The following FBXL17 variants were observed in gnomAD, a reference collection of about 807,000 sequenced individuals.
FBXL17 encodes F-box/LRR-repeat protein 17.
FBXL17 carries 22 observed loss-of-function variants against 66.2 expected under a neutral mutation model. That is an observed-to-expected ratio of 0.33 (90% CI 0.24 to 0.47). The LOEUF (loss-of-function observed/expected upper bound fraction) is 0.47. Ranked by LOEUF, FBXL17 falls within the 20% of genes least tolerant of loss-of-function variation. The pLI is 1.00. For missense variants in FBXL17, 878 were observed against 948.2 expected (o/e 0.93, Z 0.97); for synonymous variants, 474 against 400.5 (o/e 1.18, Z -2.19).
intron 7 of FBXL17, among the ~76,000 whole-genome samples, chr5:107,899,647 G>T (rs932586363): frequency 2.0e-5 from 3 of 152,102 alleles, no homozygotes; most frequent in African/African-American, 7.2e-5. Flanking sequence ...TGGGAAGTTG[G>T]TGCCCCTACA....
intron 5 of FBXL17, among the ~76,000 whole-genome samples, chr5:108,219,586 C>T (rs763723888): frequency 5.9e-5 from 9 of 151,984 alleles, no homozygotes; most frequent in Non-Finnish European, 8.8e-5. Flanking sequence ...ATTTGGGAGG[C>T]TGAGGCAGGA....
chr5:108,363,381 T>A (rs1748466096), intron 3 of FBXL17, among the ~76,000 whole-genome samples: 1 of 151,834 alleles, frequency 6.6e-6, no homozygotes, highest in Admixed American at 6.6e-5. Flanking sequence ...TACAGAAAAA[T>A]ATTCTCTACA....
chr5:108,031,065 C>T (rs147278399), intron 6 of FBXL17, among the ~76,000 whole-genome samples: 183 of 152,046 alleles, frequency 1.2e-3, no homozygotes, highest in African/African-American at 4.0e-3. Flanking sequence ...AATGACATAT[C>T]GCACTCTGAA....
chr5:107,990,470 A>G (rs1368169821), intron 7 of FBXL17, among the ~76,000 whole-genome samples: 1 of 152,166 alleles, frequency 6.6e-6, no homozygotes, highest in Non-Finnish European at 1.5e-5. Flanking sequence ...GTCTCTGTCA[A>G]TTTGAATTCT....
chr5:108,078,222 G>T (rs1432662931), intron 6 of FBXL17, among the ~76,000 whole-genome samples: 2 of 152,182 alleles, frequency 1.3e-5, no homozygotes, highest in Non-Finnish European at 2.9e-5. Flanking sequence ...ATGCTCAGGA[G>T]TAAGAGACTG....
At chr5:108,351,045 A>C (rs1456162339) in intron 3 of FBXL17, among the ~76,000 whole-genome samples, 1 of 152,214 alleles carries the variant, frequency 6.6e-6, no homozygotes, top group Non-Finnish European at 1.5e-5. Flanking sequence ...AAATGTAATT[A>C]AGTATTCACA....
At chr5:108,223,923 C>T (rs547608430) in intron 5 of FBXL17, among the ~76,000 whole-genome samples, 198 bp downstream of exon 5, 2 of 152,174 alleles carry the variant, frequency 1.3e-5, no homozygotes, top group East Asian at 1.9e-4. Context: ...AAGCAAAAAG[C>T]TTCTTGTTTA....
chr5:108,180,704 C>T (rs1232634357), intron 6 of FBXL17, among the ~76,000 whole-genome samples: 1 of 152,056 alleles, frequency 6.6e-6, no homozygotes, highest in Non-Finnish European at 1.5e-5. Context: ...ATTCACACAG[C>T]AAATCATGGC....
At chr5:108,299,260 A>T (rs1758478743) in intron 4 of FBXL17, 1 of 985,062 alleles carries the variant, frequency 1.0e-6, no homozygotes, top group African/African-American at 1.7e-5. Context: ...TTAAAGCGTT[A>T]GGGCAGATCC....
chr5:108,192,788 G>C (rs1753520738), intron 5 of FBXL17, among the ~76,000 whole-genome samples: 1 of 152,032 alleles, frequency 6.6e-6, no homozygotes. Flanking sequence ...CGAGATGAAA[G>C]CAAGAAAAGA....
At chr5:108,071,207 T>C (rs975895455) in intron 6 of FBXL17, among the ~76,000 whole-genome samples, 4 of 152,222 alleles carry the variant, frequency 2.6e-5, no homozygotes, top group Admixed American at 2.6e-4. Flanking sequence ...CTTGGCTTGG[T>C]TGCCAAAATG....
At chr5:108,229,043 A>G (rs1755214734) in intron 4 of FBXL17, among the ~76,000 whole-genome samples, 1 of 152,140 alleles carries the variant, frequency 6.6e-6, no homozygotes, top group Non-Finnish European at 1.5e-5. Flanking sequence ...AGCAGCACTG[A>G]CGTCACTTTG....
At position 108,224,132 on chromosome 5, in the gene FBXL17, G is replaced by C; in HGVS notation, c.1603C>G (p.His535Asp). The change falls in exon 5 of 9, where the codon CAC becomes GAC. Residue 535 changes from histidine to aspartate, a missense_variant. This residue lies in a region of FBXL17 where 236 missense variants were observed against 389.1 expected (regional missense o/e 0.61). Coordinates refer to ENST00000542267, the MANE Select transcript of FBXL17 (RefSeq NM_001163315.3). ...GCSVTSKGVI[H>D]LTKLRNLSSL... Reference sequence around the variant, plus strand: ...GCCATAGTACCTACCTTGGTTAGGTGAATGACTCCTTTAGAAGTGACTGAA... The same window carrying C: ...GCCATAGTACCTACCTTGGTTAGGTCAATGACTCCTTTAGAAGTGACTGAA... 2 of 1,596,242 alleles carry C rather than the reference G, an allele frequency of 1.3e-6. No individual in the cohort carries two copies. Among genetic ancestry groups the C allele is most frequent in the Non-Finnish European group, 1.7e-6 (2 of 1,165,504 alleles).
intron 5 of FBXL17, among the ~76,000 whole-genome samples, chr5:108,212,132 C>A (rs2922415): frequency 0.28 from 42,381 of 151,938 alleles, 6,487 homozygotes; most frequent in Middle Eastern, 0.37. Flanking sequence ...TTGAAACTTG[C>A]GTATGCTTCA....
intron 6 of FBXL17, among the ~76,000 whole-genome samples, chr5:108,102,411 T>C (rs1749635584): frequency 6.6e-6 from 1 of 152,214 alleles, no homozygotes; most frequent in Non-Finnish European, 1.5e-5. Flanking sequence ...GCCAAATTCA[T>C]GGTTCCAATC....
chr5:107,947,119 A>G (rs1423395826), intron 7 of FBXL17, among the ~76,000 whole-genome samples: 1 of 152,192 alleles, frequency 6.6e-6, no homozygotes. Flanking sequence ...TCACACCAAC[A>G]TGACTTTTTT....
chr5:108,025,190 C>A (rs1422827724), intron 6 of FBXL17, among the ~76,000 whole-genome samples: 1 of 151,922 alleles, frequency 6.6e-6, no homozygotes, highest in Non-Finnish European at 1.5e-5. Flanking sequence ...TGCTTCAAAC[C>A]CTAAAGAAGC....
chr5:108,142,016 C>T (rs1171438648), intron 6 of FBXL17, among the ~76,000 whole-genome samples: 2 of 152,208 alleles, frequency 1.3e-5, no homozygotes, highest in Non-Finnish European at 2.9e-5. Flanking sequence ...GTTTCTCCTA[C>T]TAGAATGTCA....
rs568100550 is a variant in FBXL17 at position 107,921,226 on chromosome 5, T to C, written c.1823-40047A>G. Among the ~76,000 whole-genome samples, 14 of 152,166 alleles carry C rather than the reference T, an allele frequency of 9.2e-5. No homozygotes were observed. The South Asian group carries it at 1.7e-3, about 18-fold the overall frequency. ...TTTTATTTCCAACCAGTGGAAAAGTTAATTATTTACACACTAGCAGCTCAA... is the reference window on the plus strand; with the variant it reads ...TTTTATTTCCAACCAGTGGAAAAGTCAATTATTTACACACTAGCAGCTCAA... On this transcript the variant is annotated intron_variant, in intron 7 of 8. Coordinates refer to ENST00000542267, the MANE Select transcript of FBXL17 (RefSeq NM_001163315.3).
Sources: gnomAD v4.1 joint callset for allele counts (sites outside exome capture counted in the v4.1 genomes callset) on GRCh38, gnomAD v4.1.1 for gene constraint, gnomAD v4.1.1 regional missense constraint, MANE v1.5 for transcripts, NCBI Gene and HGNC (gene_info 2026-07-23, HGNC 2026-07-21) for gene names.